The following SMAP1 variants were observed in gnomAD, a reference collection of about 807,000 sequenced individuals.
The protein encoded by SMAP1 is small ArfGAP 1.
A neutral mutation model predicts 58.5 loss-of-function variants in SMAP1; 24 were observed. The ratio of observed to expected loss-of-function variants is 0.41; its 90% CI spans 0.30 to 0.58. The LOEUF (loss-of-function observed/expected upper bound fraction) is 0.58. Ranked by LOEUF, SMAP1 falls within the 20% of genes least tolerant of loss-of-function variation. SMAP1 has a pLI of 0.29. For missense variants in SMAP1, 563 were observed against 566.3 expected, an observed-to-expected ratio of 0.99 and a Z score of 0.06; for synonymous variants, 216 against 196.6, an observed-to-expected ratio of 1.10 and a Z score of -0.82.
At chr6:70,672,256 T>C (rs1766297297) in intron 1 of SMAP1, among the ~76,000 whole-genome samples, 1 of 152,242 alleles carries the variant, frequency 6.6e-6, no homozygotes, top group South Asian at 2.1e-4. Flanking sequence ...TATTTTGGGC[T>C]GTTGTTCCCC....
intron 1 of SMAP1, among the ~76,000 whole-genome samples, chr6:70,682,194 T>G (rs1046459796): frequency 0.03 from 2,842 of 94,306 alleles, 50 homozygotes; most frequent in Non-Finnish European, 0.053. Context: ...TTTTTTTTTT[T>G]TTTTTTTTTT....
At chr6:70,856,747 C>A in intron 8 of SMAP1, 112 bp from the exon 9 acceptor site, 1 of 1,126,914 alleles carries the variant, frequency 8.9e-7, no homozygotes, top group South Asian at 1.9e-5. Context: ...ATTTTACCTT[C>A]TACAATTGTT....
chr6:70,834,322 T>C (rs189207487), intron 6 of SMAP1, among the ~76,000 whole-genome samples: 1 of 151,022 alleles, frequency 6.6e-6, no homozygotes, highest in Admixed American at 6.6e-5. Flanking sequence ...CTCACAAGTT[T>C]AGTTTGTTTT....
intron 7 of SMAP1, among the ~76,000 whole-genome samples, chr6:70,850,114 T>G (rs1431601661): frequency 6.6e-6 from 1 of 152,192 alleles, no homozygotes; most frequent in Non-Finnish European, 1.5e-5. Flanking sequence ...GAGAGGAGTC[T>G]AAGGTACTAA....
chr6:70,748,697 C>T (rs1240446198), intron 2 of SMAP1, among the ~76,000 whole-genome samples: 1 of 151,840 alleles, frequency 6.6e-6, no homozygotes, highest in Non-Finnish European at 1.5e-5. Flanking sequence ...TACTATAGCC[C>T]CTTCTAATTA....
At chr6:70,773,450 C>T in intron 4 of SMAP1, 25 bp downstream of exon 4, 1 of 1,377,168 alleles carries the variant, frequency 7.3e-7, no homozygotes, top group Non-Finnish European at 1.0e-6. Context: ...CATCTCTCAT[C>T]AATTGTTTGT....
At chr6:70,734,365 C>T (rs138131768) in intron 2 of SMAP1, 1,995 of 152,706 alleles carry the variant, frequency 0.013, 53 homozygotes, top group African/African-American at 0.046. Context: ...AGGCTGGTCT[C>T]GAACTCCTGA....
intron 3 of SMAP1, among the ~76,000 whole-genome samples, chr6:70,755,481 T>G (rs1192832730): frequency 6.6e-6 from 1 of 152,044 alleles, no homozygotes. Flanking sequence ...ATTAAAAATA[T>G]GCTTTGTGTT....
intron 1 of SMAP1, among the ~76,000 whole-genome samples, chr6:70,708,323 T>C (rs1767921833): frequency 6.6e-6 from 1 of 152,226 alleles, no homozygotes; most frequent in Admixed American, 6.5e-5. Flanking sequence ...GGCCGAATTA[T>C]ATTCCATTGT....
intron 4 of SMAP1, among the ~76,000 whole-genome samples, chr6:70,778,000 C>T (rs1767614031): frequency 6.6e-6 from 1 of 152,130 alleles, no homozygotes; most frequent in South Asian, 2.1e-4. Context: ...GATCCCCCTG[C>T]CTCGGGCTCC....
chr6:70,749,717 A>C (rs1582109881), intron 2 of SMAP1, among the ~76,000 whole-genome samples: 1 of 152,214 alleles, frequency 6.6e-6, no homozygotes, highest in South Asian at 2.1e-4. Context: ...TAGTTTTACT[A>C]TTAATGGCTG....
intron 6 of SMAP1, among the ~76,000 whole-genome samples, chr6:70,826,934 C>CAAAAA (rs61069311): frequency 2.2e-4 from 17 of 76,604 alleles, no homozygotes; most frequent in African/African-American, 5.1e-4. Flanking sequence ...AACCGTGTCT[C>CAAAAA]AAAAAAAAAA....
At chr6:70,726,437 T>A (rs1768789100) in intron 1 of SMAP1, among the ~76,000 whole-genome samples, 1 of 152,242 alleles carries the variant, frequency 6.6e-6, no homozygotes. Flanking sequence ...TAACTGTAAG[T>A]CATTGTGATA....
intron 3 of SMAP1, chr6:70,759,950 C>T (rs1766680297): frequency 4.9e-6 from 2 of 407,382 alleles, no homozygotes; most frequent in Non-Finnish European, 9.9e-6. Flanking sequence ...CAAAATAACT[C>T]GGTGACATAG....
chr6:70,760,027 A>G, intron 3 of SMAP1: 1 of 239,516 alleles, frequency 4.2e-6, no homozygotes, highest in Non-Finnish European at 8.9e-6. Flanking sequence ...CTATTAAGAA[A>G]CTTCCTAAAG....
intron 1 of SMAP1, among the ~76,000 whole-genome samples, chr6:70,678,001 G>A (rs769588116): frequency 3.5e-4 from 53 of 152,098 alleles, no homozygotes; most frequent in Non-Finnish European, 6.8e-4. Context: ...ACTTGGAGTG[G>A]CATTTAGTTA....
intron 1 of SMAP1, among the ~76,000 whole-genome samples, chr6:70,697,134 T>A (rs1767436791): frequency 6.6e-6 from 1 of 152,180 alleles, no homozygotes; most frequent in Admixed American, 6.5e-5. Flanking sequence ...GTGAAGTGTG[T>A]TTCTTGTAGG....
At chr6:70,683,149 T>A (rs1323879569) in intron 1 of SMAP1, among the ~76,000 whole-genome samples, 1 of 151,164 alleles carries the variant, frequency 6.6e-6, no homozygotes, top group Non-Finnish European at 1.5e-5. Flanking sequence ...ATTTTCTTGA[T>A]ACTCTTAAGA....
intron 5 of SMAP1, among the ~76,000 whole-genome samples, chr6:70,793,258 C>T (rs549984432): frequency 1.3e-4 from 20 of 152,266 alleles, no homozygotes; most frequent in Admixed American, 1.0e-3. Context: ...TGGTCTCGAT[C>T]TCTTGGCCTT....
Sources: gnomAD v4.1 joint callset for allele counts (sites outside exome capture counted in the v4.1 genomes callset) on GRCh38, gnomAD v4.1.1 for gene constraint, MANE v1.5 for transcripts, NCBI Gene and HGNC (gene_info 2026-07-23, HGNC 2026-07-21) for gene names.